Variants in CABIN1 observed in about 807,000 individuals in gnomAD.
The protein encoded by CABIN1 is calcineurin-binding protein cabin-1.
Under a neutral mutation model 227.7 loss-of-function variants are expected in CABIN1, and 133 were observed. That is an observed-to-expected ratio of 0.58 (90% CI 0.51 to 0.67). The LOEUF is 0.67. Ranked by LOEUF, CABIN1 falls within the 30% of genes least tolerant of loss-of-function variation. The pLI, the probability that CABIN1 is intolerant of heterozygous loss-of-function variation, is 0.00. For synonymous variants in CABIN1, 1,086 were observed against 1,155.1 expected (o/e 0.94, Z 1.21); for missense variants, 2,408 against 2,852.5 (o/e 0.84, Z 3.55).
intron 19 of CABIN1, among the ~76,000 whole-genome samples, chr22:24,078,945 A>G (rs191115687): frequency 8.2e-4 from 114 of 138,186 alleles, no homozygotes; most frequent in African/African-American, 3.4e-3. Context: ...TTAAAATTTT[A>G]CATACTAAAT....
At chr22:24,173,988 GT>G (rs201370185) in intron 34 of CABIN1, among the ~76,000 whole-genome samples, 8,137 of 141,598 alleles carry the variant, frequency 0.057, 388 homozygotes, top group East Asian at 0.3. Flanking sequence ...CTTGGTATGG[GT>G]TTTTTTTTTT....
chr22:24,094,147 C>G (rs1472013581), intron 24 of CABIN1, among the ~76,000 whole-genome samples: 1 of 152,212 alleles, frequency 6.6e-6, no homozygotes, highest in African/African-American at 2.4e-5. Context: ...CCTGCAGGAA[C>G]AGAGAGGAGC....
chr22:24,159,046 ACTCT>A (rs1261135315), intron 29 of CABIN1, among the ~76,000 whole-genome samples: 2 of 151,784 alleles, frequency 1.3e-5, no homozygotes, highest in East Asian at 3.9e-4. Flanking sequence ...GTCTGTCCTG[ACTCT>A]CTCTGCCTGT....
chr22:24,148,382 C>T (rs1047903233), intron 29 of CABIN1, among the ~76,000 whole-genome samples: 1 of 152,224 alleles, frequency 6.6e-6, no homozygotes, highest in Admixed American at 6.5e-5. Flanking sequence ...AGTTAAAGGG[C>T]ACAAGCAGTC....
intron 27 of CABIN1, among the ~76,000 whole-genome samples, chr22:24,115,654 C>T (rs1340342223): frequency 6.6e-6 from 1 of 152,198 alleles, no homozygotes; most frequent in Non-Finnish European, 1.5e-5. Context: ...GTCTCTAACA[C>T]GCACTCCCCT....
At chr22:24,032,459 G>A (rs915305404) in intron 1 of CABIN1, among the ~76,000 whole-genome samples, 1 of 152,198 alleles carries the variant, frequency 6.6e-6, no homozygotes, top group Non-Finnish European at 1.5e-5. Context: ...GTGTACAAGT[G>A]TCTGTTCAAG....
intron 28 of CABIN1, among the ~76,000 whole-genome samples, chr22:24,133,709 G>A (rs79939491): frequency 6.6e-6 from 1 of 152,228 alleles, no homozygotes; most frequent in Non-Finnish European, 1.5e-5. Context: ...CCAGGCAGCT[G>A]GTGGGAAGGC....
Position 24,050,921 on chromosome 22 carries a change from T to G in CABIN1, c.753T>G (p.Ile251Met), listed in dbSNP as rs2038280503. The G allele has an allele frequency of 6.2e-7, 1 of 1,614,224 alleles. No homozygotes were observed. Among genetic ancestry groups the G allele is most frequent in the African/African-American group, 1.3e-5 (1 of 75,054 alleles). ...TGCGAAAAAAGAGGCAAGCGCTGAT[T>G]GTGCGGGAGAAGGAGCCGGACCTGA... ...LGLRKKRQAL[I>M]VREKEPDLKL... The change falls in exon 8 of 37, where the codon ATT becomes ATG. Residue 251 changes from isoleucine (I) to methionine (M), a missense_variant. This residue lies in a region of CABIN1 where 1,045 missense variants were observed against 1,168.4 expected (regional missense o/e 0.89). Coordinates refer to ENST00000263119, the MANE Select transcript of CABIN1 (RefSeq NM_012295.4).
At chr22:24,154,792 G>A (rs1409540792) in intron 29 of CABIN1, among the ~76,000 whole-genome samples, 2 of 152,166 alleles carry the variant, frequency 1.3e-5, no homozygotes, top group African/African-American at 4.8e-5. Flanking sequence ...TTTGGACTAG[G>A]GGTACCTGGA....
At position 24,085,240 on chromosome 22, in the gene CABIN1, G is replaced by T. The variant is rs994622742; in HGVS notation, c.3263+89G>T. On this transcript the variant is annotated intron_variant, in intron 22 of 36. Coordinates refer to ENST00000263119, the MANE Select transcript of CABIN1 (RefSeq NM_012295.4). Reference sequence around the variant, plus strand: ...AAGCTCTTCAGTGGGCCACTTTGGGGTTTCCCTGTCCATTGCAAAGAGACC... The same window carrying T: ...AAGCTCTTCAGTGGGCCACTTTGGGTTTTCCCTGTCCATTGCAAAGAGACC... 6.4e-6 allele frequency: 9 copies of T among 1,408,592 alleles called. No individual in the cohort carries two copies. In the Admixed American group the frequency reaches 1.1e-4, roughly 17 times the overall value. 87.3% of individuals were successfully genotyped at this position (1,408,592 alleles called of 1,614,324 possible). A position where few individuals can be genotyped will look rare whatever the true frequency, so the allele number is the denominator to read the frequency against.
Position 24,084,657 on chromosome 22 carries a change from A to T in CABIN1, c.2989A>T (p.Lys997Ter). 6.2e-7 allele frequency: 1 copy of T among 1,614,152 alleles called. No homozygotes were observed. Among genetic ancestry groups the T allele is most frequent in the Non-Finnish European group, 8.5e-7 (1 of 1,180,024 alleles). Reference sequence around the variant, plus strand: ...GACCCTTCCTGAATTTGACAGCTATAAGACCAGCACCGTGTCTGCTGACTT... The same window carrying T: ...GACCCTTCCTGAATTTGACAGCTATTAGACCAGCACCGTGTCTGCTGACTT... ...PKTLPEFDSY[K>*]TSTVSADLAN... The change falls in exon 21 of 37, where the codon AAG becomes TAG. Residue 997 changes from lysine (K) to a stop codon, truncating the protein, a stop_gained. Coordinates refer to ENST00000263119, the MANE Select transcript of CABIN1 (RefSeq NM_012295.4). LOFTEE classifies it high-confidence loss of function.
intron 28 of CABIN1, among the ~76,000 whole-genome samples, chr22:24,123,388 C>G (rs1187156254): frequency 6.6e-6 from 1 of 152,338 alleles, no homozygotes; most frequent in Non-Finnish European, 1.5e-5. Flanking sequence ...GGAGGCAGCT[C>G]TGCAGGTGCC....
Position 24,056,305 on chromosome 22 carries a change from A to G in CABIN1, c.1207A>G (p.Lys403Glu), listed in dbSNP as rs769232030. The part of the protein sequence containing the change: ...RSARVRNTKC[K>E]KEEKVDFQEL... ...TGCCCGTGTCCGAAACACCAAGTGC[A>G]AAAAAGAAGAGAAAGTAGACTTCCA... The change falls in exon 10 of 37, where the codon AAA becomes GAA. Residue 403 changes from lysine (K) to glutamate (E), a missense_variant. Around this residue, in one of 3 missense-constraint regions of CABIN1, gnomAD observed 1,045 missense variants for 1,168.4 expected, o/e 0.89. Transcript: ENST00000263119. The G allele has an allele frequency of 6.2e-7, 1 of 1,614,020 alleles. No homozygotes were observed. The highest frequency in any genetic ancestry group is 8.5e-7 in the Non-Finnish European group (1 of 1,179,874).
At chr22:24,173,517 G>C (rs1416688581) in intron 34 of CABIN1, 1 of 152,214 alleles carries the variant, frequency 6.6e-6, no homozygotes, top group Non-Finnish European at 1.5e-5. Context: ...GCCTGTGAAG[G>C]CTTCAGGACA....
intron 29 of CABIN1, among the ~76,000 whole-genome samples, chr22:24,150,950 A>G (rs1404938091): frequency 6.6e-6 from 1 of 152,064 alleles, no homozygotes; most frequent in East Asian, 1.9e-4. Flanking sequence ...TCACATCTCA[A>G]ATTTGTCCCT....
Position 24,018,902 on chromosome 22 carries a change from T to C in CABIN1, c.-75+7535T>C, listed in dbSNP as rs139470792. ...GAATCCTATCCAGGAACAGGGGATG[T>C]CATTTCATTTGTTCAAGTTAACTTT... On this transcript the variant is annotated intron_variant, in intron 1 of 36. Coordinates refer to ENST00000263119, the MANE Select transcript of CABIN1 (RefSeq NM_012295.4). Among the ~76,000 whole-genome samples the C allele has an allele frequency of 8.2e-4, 125 of 152,292 alleles. 1 individual carries two copies. The highest frequency in any genetic ancestry group is 2.8e-3 in the African/African-American group (118 of 41,578).
At chr22:24,067,848 A>G (rs1239804613) in intron 16 of CABIN1, among the ~76,000 whole-genome samples, 1 of 152,192 alleles carries the variant, frequency 6.6e-6, no homozygotes, top group Non-Finnish European at 1.5e-5. Context: ...GCCTGGCACT[A>G]GCAGGTGCTG....
chr22:24,082,366 AG>A (rs1249650549), intron 19 of CABIN1, among the ~76,000 whole-genome samples: 3 of 152,208 alleles, frequency 2.0e-5, no homozygotes, highest in Non-Finnish European at 4.4e-5. Context: ...CTGGAATTAC[AG>A]GCATGAACTG....
intron 1 of CABIN1, among the ~76,000 whole-genome samples, chr22:24,018,377 G>A (rs5760180): frequency 1.3e-5 from 2 of 151,680 alleles, no homozygotes; most frequent in African/African-American, 4.8e-5. Flanking sequence ...TCTCTACTAC[G>A]TAATACTAAG....
Sources: gnomAD v4.1 joint callset for allele counts (sites outside exome capture counted in the v4.1 genomes callset) on GRCh38, gnomAD v4.1.1 for gene constraint, gnomAD v4.1.1 regional missense constraint, MANE v1.5 for transcripts, NCBI Gene and HGNC (gene_info 2026-07-23, HGNC 2026-07-21) for gene names.